TCF7L1: variants seen among roughly 807,000 people sequenced by gnomAD.
TCF7L1 encodes the protein transcription factor 7 like 1, also known as transcription factor 7-like 1.
A neutral mutation model predicts 63.7 loss-of-function variants in TCF7L1; 18 were observed. The ratio of observed to expected loss-of-function variants is 0.28; its 90% confidence interval spans 0.20 to 0.42. The LOEUF is 0.42. TCF7L1 is among the 10% of genes least tolerant of loss of function. TCF7L1 has a pLI of 1.00. For synonymous variants in TCF7L1, 355 were observed against 340.9 expected, an observed-to-expected ratio of 1.04 and a Z score of -0.46; for missense variants, 654 against 779.3, an observed-to-expected ratio of 0.84 and a Z score of 1.91.
In TCF7L1 at chr2:85,139,850, G is replaced by A. The variant is rs188393810; in HGVS notation, c.441+5400G>A. On this transcript the variant is annotated intron_variant, in intron 3 of 11. Transcript: ENST00000282111. ...GGGCTAGGGGACCTAGAATGCCATG[G>A]AAGGAATCTGATCTTATTTAAGAGG... is the stretch of plus-strand genomic sequence containing the variant. Among the ~76,000 whole-genome samples, 10 of 152,314 alleles carry A rather than the reference G, an allele frequency of 6.6e-5. No homozygotes were observed. In the South Asian group the frequency reaches 1.4e-3, roughly 22 times the overall value.
intron 3 of TCF7L1, chr2:85,186,303 A>T (rs1447136113): frequency 1.3e-5 from 2 of 152,118 alleles, no homozygotes; most frequent in Non-Finnish European, 1.5e-5. Context: ...TCAAAGTAAC[A>T]TGGAAAAGCT....
chr2:85,225,841 C>T (rs1225268812), intron 3 of TCF7L1, among the ~76,000 whole-genome samples: 2 of 152,158 alleles, frequency 1.3e-5, no homozygotes, highest in East Asian at 1.9e-4. Context: ...GAGAGGGCAT[C>T]CCTGTCTTGT....
chr2:85,239,944 TAAAAAAAAAAA>T (rs11337671), intron 3 of TCF7L1, among the ~76,000 whole-genome samples: 1 of 104,390 alleles, frequency 9.6e-6, no homozygotes, highest in Non-Finnish European at 1.9e-5. Flanking sequence ...AGACTCCATC[TAAAAAAAAAAA>T]AAAAAACAAA....
intron 4 of TCF7L1, among the ~76,000 whole-genome samples, chr2:85,295,559 A>C (rs1183122499): frequency 6.6e-6 from 1 of 152,136 alleles, no homozygotes; most frequent in African/African-American, 2.4e-5. Context: ...AGGAACTCCC[A>C]TATAACCTTT....
At chr2:85,173,777 C>A (rs1355804851) in intron 3 of TCF7L1, among the ~76,000 whole-genome samples, 1 of 150,694 alleles carries the variant, frequency 6.6e-6, no homozygotes, top group Non-Finnish European at 1.5e-5. Context: ...GTCTCTGTTG[C>A]CTAGGCTGGA....
chr2:85,200,666 A>G (rs1302875297), intron 3 of TCF7L1, among the ~76,000 whole-genome samples: 1 of 152,146 alleles, frequency 6.6e-6, no homozygotes, highest in South Asian at 2.1e-4. Context: ...GGCACTTCAT[A>G]TGGGGCTCAT....
At chr2:85,272,508 G>A (rs1681173268) in intron 3 of TCF7L1, among the ~76,000 whole-genome samples, 1 of 152,082 alleles carries the variant, frequency 6.6e-6, no homozygotes. Flanking sequence ...AATAAATGTG[G>A]ATGACCGGGC....
At chr2:85,148,867 C>A (rs181710737) in intron 3 of TCF7L1, among the ~76,000 whole-genome samples, 5 of 151,516 alleles carry the variant, frequency 3.3e-5, no homozygotes, top group Admixed American at 6.6e-5. Flanking sequence ...TCTGCCCCCC[C>A]AGGTTCAAGC....
At chr2:85,254,448 G>A (rs956883183) in intron 3 of TCF7L1, among the ~76,000 whole-genome samples, 1 of 152,162 alleles carries the variant, frequency 6.6e-6, no homozygotes, top group Non-Finnish European at 1.5e-5. Context: ...TCCTGCATTG[G>A]GGGGGCTTGA....
rs185586182 is a variant in TCF7L1, at chr2:85,214,412, G to T, written c.442-69083G>T. Among the ~76,000 whole-genome samples, 6 of 152,324 alleles carry T rather than the reference G, an allele frequency of 3.9e-5. No individual in the cohort carries two copies. The East Asian group carries it at 1.2e-3, about 29-fold the overall frequency. ...TCCCAAAGCCAGTGCCAGCCGATAG[G>T]ACTAGTTGTGTTATCTCGAGTTTTC... is the stretch of plus-strand genomic sequence containing the variant. On this transcript the variant is annotated intron_variant, in intron 3 of 11. Coordinates refer to ENST00000282111, the MANE Select transcript of TCF7L1 (RefSeq NM_031283.3).
intron 3 of TCF7L1, among the ~76,000 whole-genome samples, chr2:85,171,014 A>G (rs986121895): frequency 6.6e-6 from 1 of 152,144 alleles, no homozygotes; most frequent in Admixed American, 6.5e-5. Flanking sequence ...ATAAAGCCAT[A>G]CCTGAGACTG....
intron 3 of TCF7L1, among the ~76,000 whole-genome samples, chr2:85,135,444 C>T (rs1030379938): frequency 1.3e-5 from 2 of 152,164 alleles, no homozygotes; most frequent in African/African-American, 4.8e-5. Context: ...GCCCAGATTC[C>T]CATTGCCTGC....
At chr2:85,159,816 C>A (rs1042885320) in intron 3 of TCF7L1, among the ~76,000 whole-genome samples, 2 of 152,240 alleles carry the variant, frequency 1.3e-5, no homozygotes, top group Non-Finnish European at 2.9e-5. Flanking sequence ...TCCTTCTGCC[C>A]TTCACAAAGT....
chr2:85,180,063 C>T (rs1479761827), intron 3 of TCF7L1, among the ~76,000 whole-genome samples: 2 of 151,888 alleles, frequency 1.3e-5, no homozygotes, highest in African/African-American at 4.8e-5. Flanking sequence ...TAGCCGGGTC[C>T]TGGGAACAGC....
chr2:85,305,203 G>A (rs1025937998), intron 7 of TCF7L1, 57 bp from the exon 8 acceptor site: 6 of 1,613,224 alleles, frequency 3.7e-6, no homozygotes, highest in Non-Finnish European at 5.1e-6. Flanking sequence ...CCTCTGCTGG[G>A]TGGCAGGTAT....
chr2:85,197,302 T>A (rs1679181038), intron 3 of TCF7L1, among the ~76,000 whole-genome samples: 1 of 152,008 alleles, frequency 6.6e-6, no homozygotes, highest in African/African-American at 2.4e-5. Flanking sequence ...TCCCAGCTAT[T>A]TGGGAGGCTG....
At chr2:85,299,957 CAGGGTT>C (rs1394410400) in intron 4 of TCF7L1, among the ~76,000 whole-genome samples, 4 of 149,172 alleles carry the variant, frequency 2.7e-5, no homozygotes, top group Non-Finnish European at 5.9e-5. Flanking sequence ...ACCATAGCGA[CAGGGTT>C]AGGATGGTGC....
At chr2:85,151,185 T>C (rs909217245) in intron 3 of TCF7L1, among the ~76,000 whole-genome samples, 2 of 152,222 alleles carry the variant, frequency 1.3e-5, no homozygotes, top group African/African-American at 2.4e-5. Context: ...AATGTTGAGA[T>C]AGCAAAGTTG....
At chr2:85,223,830 G>A (rs151074914) in intron 3 of TCF7L1, among the ~76,000 whole-genome samples, 46 of 152,216 alleles carry the variant, frequency 3.0e-4, no homozygotes, top group African/African-American at 1.1e-3. Context: ...GGATACATGT[G>A]CACAACGTGC....
Sources: gnomAD v4.1 joint callset for allele counts (sites outside exome capture counted in the v4.1 genomes callset) on GRCh38, gnomAD v4.1.1 for gene constraint, MANE v1.5 for transcripts, NCBI Gene and HGNC (gene_info 2026-07-23, HGNC 2026-07-21) for gene names.